TIAM1: variants seen among roughly 807,000 people sequenced by gnomAD.
The protein encoded by TIAM1 is TIAM Rac1 associated GEF 1.
TIAM1 carries 65 observed loss-of-function variants against 163.5 expected under a neutral mutation model. The ratio of observed to expected loss-of-function variants is 0.40; its 90% confidence interval spans 0.33 to 0.49. TIAM1 has a LOEUF of 0.49. Ranked by LOEUF, TIAM1 falls within the 20% of genes least tolerant of loss-of-function variation. The probability of loss-of-function intolerance (pLI) is 0.77; values close to 1 mark genes in which losing one functional copy is unlikely to be tolerated. For synonymous variants in TIAM1, 833 were observed against 810.1 expected (o/e 1.03, Z -0.48); for missense variants, 1,789 against 2,044.7 (o/e 0.87, Z 2.41).
intron 24 of TIAM1, 56 bp downstream of exon 24, chr21:31,130,834 C>G (rs2082388362): frequency 6.6e-7 from 1 of 1,518,646 alleles, no homozygotes; most frequent in Non-Finnish European, 9.1e-7. Context: ...GCAGGCATAA[C>G]TGATAAGCAG....
intron 13 of TIAM1, 150 bp from the exon 14 acceptor site, chr21:31,187,237 G>T: frequency 1.4e-6 from 1 of 699,132 alleles, no homozygotes; most frequent in East Asian, 2.6e-5. Flanking sequence ...TAGCAGAAAA[G>T]TGTATTTTTA....
intron 1 of TIAM1, among the ~76,000 whole-genome samples, chr21:31,524,179 A>G (rs1229102662): frequency 6.6e-6 from 1 of 152,166 alleles, no homozygotes; most frequent in Non-Finnish European, 1.5e-5. Context: ...TTTATATAGA[A>G]AAGAGGTTTA....
intron 1 of TIAM1, among the ~76,000 whole-genome samples, chr21:31,516,159 C>A (rs1036233098): frequency 6.6e-6 from 1 of 150,892 alleles, no homozygotes; most frequent in Non-Finnish European, 1.5e-5. Flanking sequence ...CACCTGTAAT[C>A]CCAGCACTCT....
intron 19 of TIAM1, 127 bp from the exon 20 acceptor site, chr21:31,147,130 A>G: frequency 2.7e-6 from 2 of 735,336 alleles, no homozygotes; most frequent in Non-Finnish European, 4.7e-6. Context: ...TGCCTGTCAG[A>G]GCCTTTCTTT....
At chr21:31,153,359 C>T (rs896209598) in intron 17 of TIAM1, among the ~76,000 whole-genome samples, 9 of 152,088 alleles carry the variant, frequency 5.9e-5, no homozygotes, top group Non-Finnish European at 1.2e-4. Context: ...GACTAAAATA[C>T]GGTCTCCATT....
chr21:31,464,744 G>C (rs1337073156), intron 1 of TIAM1, among the ~76,000 whole-genome samples: 1 of 151,776 alleles, frequency 6.6e-6, no homozygotes, highest in Non-Finnish European at 1.5e-5. Flanking sequence ...TTGGGTGGCT[G>C]AGGCAGGAGA....
intron 20 of TIAM1, among the ~76,000 whole-genome samples, chr21:31,144,314 A>C (rs930333763): frequency 6.6e-6 from 1 of 152,038 alleles, no homozygotes; most frequent in African/African-American, 2.4e-5. Context: ...GGACCTAGGA[A>C]CTCTTCCCCA....
rs116111545 is a variant in TIAM1, at chr21:31,186,125, A to G, written c.2662+876T>C. ...ACTTTCCAGGGGTAGAAAAAGGATG[A>G]AGAGTTGGGGTTCCCCAAGTAGCCC... On this transcript the variant is annotated intron_variant, in intron 14 of 27. Coordinates refer to ENST00000541036, the MANE Select transcript of TIAM1 (RefSeq NM_001353694.2). 8.7e-3 allele frequency among the ~76,000 whole-genome samples: 1,324 copies of G among 152,316 alleles called. 25 individuals are homozygous for G. The highest frequency in any genetic ancestry group is 0.03 in the African/African-American group (1,251 of 41,570).
chr21:31,318,169 C>T (rs563442933), intron 2 of TIAM1, among the ~76,000 whole-genome samples: 49 of 152,336 alleles, frequency 3.2e-4, no homozygotes, highest in African/African-American at 1.2e-3. Context: ...ACCATCTCAG[C>T]TCACTGCAAC....
At chr21:31,130,561 G>A (rs903696023) in intron 24 of TIAM1, among the ~76,000 whole-genome samples, 1 of 152,096 alleles carries the variant, frequency 6.6e-6, no homozygotes, top group African/African-American at 2.4e-5. Context: ...CAGAGAAGAG[G>A]AGAAAAAGGA....
chr21:31,358,147 C>A (rs1953845545), intron 2 of TIAM1, among the ~76,000 whole-genome samples: 1 of 152,184 alleles, frequency 6.6e-6, no homozygotes, highest in African/African-American at 2.4e-5. Context: ...CAGAGGGCGG[C>A]ATCCCAGGGT....
At chr21:31,517,048 CAAA>C (rs747446437) in intron 1 of TIAM1, among the ~76,000 whole-genome samples, 2 of 65,382 alleles carry the variant, frequency 3.1e-5, no homozygotes, top group Non-Finnish European at 3.3e-5. Flanking sequence ...GACTCTGTCT[CAAA>C]AAAAAAAAAA....
chr21:31,153,732 T>C (rs1470121985), intron 17 of TIAM1, among the ~76,000 whole-genome samples: 1 of 148,710 alleles, frequency 6.7e-6, no homozygotes, highest in Non-Finnish European at 1.5e-5. Flanking sequence ...TATATATAAA[T>C]GAATTGCCGT....
At chr21:31,487,837 G>A (rs575890099) in intron 1 of TIAM1, among the ~76,000 whole-genome samples, 116 of 151,700 alleles carry the variant, frequency 7.6e-4, no homozygotes, top group African/African-American at 2.6e-3. Context: ...GATTACAGGC[G>A]TGAGCCACCG....
chr21:31,225,662 A>G, intron 7 of TIAM1, 64 bp downstream of exon 7: 2 of 1,431,392 alleles, frequency 1.4e-6, no homozygotes, highest in South Asian at 2.5e-5. Context: ...ACAGCAAAAA[A>G]AAAAAAAAAC....
chr21:31,446,936 C>G (rs1307741115), intron 2 of TIAM1, among the ~76,000 whole-genome samples: 1 of 152,152 alleles, frequency 6.6e-6, no homozygotes, highest in Admixed American at 6.5e-5. Context: ...TGGAGACATT[C>G]TTGGAAATTC....
chr21:31,341,226 T>A (rs2076007434), intron 1 of TIAM1, among the ~76,000 whole-genome samples: 1 of 152,194 alleles, frequency 6.6e-6, no homozygotes, highest in African/African-American at 2.4e-5. Flanking sequence ...TACGCTGAAT[T>A]CACAGTGCAA....
In TIAM1 at chr21:31,245,678, G is replaced by C. The variant is rs1231567109; in HGVS notation, c.1412-18C>G. On this transcript the variant is annotated intron_variant, in intron 5 of 27. Transcript: ENST00000541036. Reference sequence around the variant, plus strand: ...CGTGCATCCTGAGGAAACAGAACAGGGGTGTGCATGAGTATTCAGTGCTTG... The same window carrying C: ...CGTGCATCCTGAGGAAACAGAACAGCGGTGTGCATGAGTATTCAGTGCTTG... The C allele has an allele frequency of 1.3e-6, 2 of 1,526,922 alleles. No individual in the cohort carries two copies. The highest frequency in any genetic ancestry group is 2.8e-5 in the African/African-American group (2 of 71,790). 94.6% of individuals were successfully genotyped at this position (1,526,922 alleles called of 1,614,324 possible).
In TIAM1 at chr21:31,252,006, C is replaced by A; in HGVS notation, c.1147G>T (p.Val383Leu). ...SSTGDAARQG[V>L]YENFRRELEM... ...AGCTCCCGCCGGAAGTTCTCGTACA[C>A]CCCCTGACGAGCCGCATCCCCGGTG... The change falls in exon 5 of 28, where the codon GTG becomes TTG. Residue 383 changes from valine (V) to leucine (L), a missense_variant. By Grantham distance (32) the Val-to-Leu change is conservative. Around this residue, in one of 5 missense-constraint regions of TIAM1, gnomAD observed 555 missense variants for 564.9 expected, o/e 0.98. Coordinates refer to ENST00000541036, the MANE Select transcript of TIAM1 (RefSeq NM_001353694.2). 1 of 1,613,974 alleles carries A rather than the reference C, an allele frequency of 6.2e-7. No individual in the cohort carries two copies. The highest frequency in any genetic ancestry group is 1.1e-5 in the South Asian group (1 of 91,076).
Sources: allele counts gnomAD v4.1 joint callset (sites outside exome capture counted in the v4.1 genomes callset), GRCh38; gene constraint gnomAD v4.1.1; regional missense constraint gnomAD v4.1.1; transcripts MANE v1.5; gene names NCBI Gene and HGNC (gene_info 2026-07-23, HGNC 2026-07-21).